The following SYT12 variants were observed in gnomAD, a reference collection of about 807,000 sequenced individuals.
SYT12 encodes synaptotagmin-12.
SYT12 carries 27 observed loss-of-function variants against 39.5 expected under a neutral mutation model. That is an observed-to-expected ratio of 0.68 (90% CI 0.50 to 0.94). The LOEUF (loss-of-function observed/expected upper bound fraction) is 0.94, where lower values mean the gene tolerates loss of function less well. Ranked by LOEUF, SYT12 falls within the 40% of genes least tolerant of loss-of-function variation. The probability of loss-of-function intolerance (pLI) is 0.00; values close to 1 mark genes in which losing one functional copy is unlikely to be tolerated. For synonymous variants in SYT12, 233 were observed against 239.7 expected (o/e 0.97, Z 0.26); for missense variants, 536 against 572.6 (o/e 0.94, Z 0.65).
chr11:67,049,046 T>G lies in SYT12; in HGVS notation c.*289T>G. Reference sequence around the variant, plus strand: ...GGCCAGCTGCCGAGCTGGGCTATGTTCTGGAACCCAGTGAATCTTGGGGGC... The same window carrying G: ...GGCCAGCTGCCGAGCTGGGCTATGTGCTGGAACCCAGTGAATCTTGGGGGC... On this transcript the variant is annotated 3_prime_UTR_variant, in exon 8 of 8. Coordinates refer to ENST00000527043, the MANE Select transcript of SYT12 (RefSeq NM_177963.4). 1 of 329,932 alleles carries G rather than the reference T, an allele frequency of 3.0e-6. No homozygotes were observed. Among genetic ancestry groups the G allele is most frequent in the Non-Finnish European group, 5.7e-6 (1 of 175,916 alleles). The allele number at this position is 329,932 out of a possible 1,614,324, so 20.4% of individuals were successfully genotyped here.
chr11:67,048,763 A>T lies in SYT12; in HGVS notation c.*6A>T. 9 of 1,588,754 alleles carry T rather than the reference A, an allele frequency of 5.7e-6. No homozygotes were observed. Among genetic ancestry groups the T allele is most frequent in the Non-Finnish European group, 6.9e-6 (8 of 1,160,906 alleles). On this transcript the variant is annotated 3_prime_UTR_variant, in exon 8 of 8. Transcript: ENST00000527043. ...ACGCTGTCCGGCGAAACTAGCAACC[A>T]GGGCGGGCCAGTTGGGCAATGGAGC... is the stretch of plus-strand genomic sequence containing the variant.
intron 6 of SYT12, chr11:67,045,524 T>G (rs1372772891): frequency 1.6e-6 from 1 of 624,878 alleles, no homozygotes; most frequent in Non-Finnish European, 2.7e-6. Context: ...GTGAGGCAGC[T>G]GCCTGAGCAC....
chr11:67,024,640 T>A (rs1950157148), intron 1 of SYT12, among the ~76,000 whole-genome samples: 1 of 152,154 alleles, frequency 6.6e-6, no homozygotes, highest in African/African-American at 2.4e-5. Context: ...ACACAGTAGG[T>A]GCCCAATAAA....
intron 4 of SYT12, among the ~76,000 whole-genome samples, chr11:67,041,465 C>A (rs12284264): frequency 6.6e-6 from 1 of 151,838 alleles, no homozygotes; most frequent in East Asian, 1.9e-4. Flanking sequence ...AGTGAGACTC[C>A]GTCTCAAAAA....
At chr11:67,046,187 G>A (rs1854545281) in intron 7 of SYT12, among the ~76,000 whole-genome samples, 1 of 152,152 alleles carries the variant, frequency 6.6e-6, no homozygotes. Flanking sequence ...CTGGTGGAGG[G>A]AACTGCAGAG....
intron 4 of SYT12, 127 bp from the exon 5 acceptor site, chr11:67,043,511 G>A: frequency 1.2e-6 from 1 of 838,980 alleles, no homozygotes; most frequent in Admixed American, 2.3e-5. Flanking sequence ...AGGAAAGATT[G>A]GCATTGAGGG....
intron 1 of SYT12, among the ~76,000 whole-genome samples, chr11:67,026,000 C>T (rs1476501410): frequency 6.6e-6 from 1 of 151,924 alleles, no homozygotes; most frequent in Admixed American, 6.6e-5. Context: ...CTTTGCTGGG[C>T]GTGGTGAGAT....
Position 67,048,564 on chromosome 11 carries a change from C to T in SYT12, c.1093-20C>T, listed in dbSNP as rs772316922. On this transcript the variant is annotated intron_variant, in intron 7 of 7. Transcript: ENST00000527043. ...TCTGACTGCCCCTGGTCCTCAGCAC[C>T]CATGTTGCCTCTTCCTCAGGACCTG... is the stretch of plus-strand genomic sequence containing the variant. 1 of 1,586,922 alleles carries T rather than the reference C, an allele frequency of 6.3e-7. No homozygotes were observed. Among genetic ancestry groups the T allele is most frequent in the African/African-American group, 1.3e-5 (1 of 74,596 alleles).
intron 4 of SYT12, among the ~76,000 whole-genome samples, chr11:67,041,874 G>A (rs1263428624): frequency 6.6e-6 from 1 of 152,228 alleles, no homozygotes; most frequent in Admixed American, 6.5e-5. Context: ...AGCAGAGGGG[G>A]GAAGGGTGGA....
At position 67,035,704 on chromosome 11, in the gene SYT12, G is replaced by T. The variant is rs181136345; in HGVS notation, c.228+866G>T. Among the ~76,000 whole-genome samples, 301 of 151,674 alleles carry T rather than the reference G, an allele frequency of 2.0e-3. 2 individuals carry two copies. The highest frequency in any genetic ancestry group is 6.9e-3 in the African/African-American group (284 of 41,394). Reference sequence around the variant, plus strand: ...GATCTCCTGACCTCGTGATCCGCCCGCCTTGGCCTCCCAAAGTACTGGGAT... The same window carrying T: ...GATCTCCTGACCTCGTGATCCGCCCTCCTTGGCCTCCCAAAGTACTGGGAT... On this transcript the variant is annotated intron_variant, in intron 3 of 7. Transcript: ENST00000527043.
intron 2 of SYT12, chr11:67,032,823 T>G (rs1746934836): frequency 1.3e-5 from 2 of 149,664 alleles, no homozygotes; most frequent in African/African-American, 5.0e-5. Context: ...GAGAATCGCT[T>G]GAACCGGGGA....
chr11:67,034,611 G>A, intron 2 of SYT12, 34 bp from the exon 3 acceptor site: 1 of 1,555,510 alleles, frequency 6.4e-7, no homozygotes, highest in Non-Finnish European at 8.6e-7. Flanking sequence ...TATCCACTAG[G>A]AAGCCCTAAT....
At chr11:67,007,607 C>T (rs922308540) in intron 1 of SYT12, among the ~76,000 whole-genome samples, 30 of 152,100 alleles carry the variant, frequency 2.0e-4, no homozygotes, top group Admixed American at 1.8e-3. Flanking sequence ...TGTTGTTGCC[C>T]GGGCTGGAGT....
chr11:67,030,104 C>T lies in SYT12; in HGVS notation c.-23-18C>T. The T allele has an allele frequency of 6.2e-7, 1 of 1,612,724 alleles. No homozygotes were observed. Among genetic ancestry groups the T allele is most frequent in the Non-Finnish European group, 8.5e-7 (1 of 1,179,560 alleles). On this transcript the variant is annotated intron_variant, in intron 1 of 7. Coordinates refer to ENST00000527043, the MANE Select transcript of SYT12 (RefSeq NM_177963.4). ...GACTCTCTGCAGCCCTCTCCTCTCA[C>T]TCTCTTTTCCCTTCCAGTCACAGTC...
intron 4 of SYT12, among the ~76,000 whole-genome samples, 173 bp downstream of exon 4, chr11:67,040,376 G>C (rs890258353): frequency 2.0e-5 from 3 of 152,170 alleles, no homozygotes; most frequent in African/African-American, 7.2e-5. Context: ...ACAGAGCTGG[G>C]AGGTGGGGGG....
chr11:67,030,100 C>G (rs1290499947), intron 1 of SYT12, 22 bp from the exon 2 acceptor site: 29 of 1,611,960 alleles, frequency 1.8e-5, no homozygotes, highest in Non-Finnish European at 2.5e-5. Flanking sequence ...GCCCTCTCCT[C>G]TCACTCTCTT....
intron 3 of SYT12, among the ~76,000 whole-genome samples, chr11:67,037,865 GA>G (rs1249989980): frequency 1.4e-5 from 2 of 147,470 alleles, no homozygotes; most frequent in Non-Finnish European, 3.0e-5. Context: ...CTGGGCGACA[GA>G]GCGAGGCTCC....
At chr11:67,026,167 G>A (rs1364918895) in intron 1 of SYT12, among the ~76,000 whole-genome samples, 1 of 152,198 alleles carries the variant, frequency 6.6e-6, no homozygotes, top group African/African-American at 2.4e-5. Context: ...TGAATGGAAG[G>A]ATGGGAGCAG....
intron 2 of SYT12, 100 bp downstream of exon 2, chr11:67,030,278 C>A: frequency 7.4e-7 from 1 of 1,345,540 alleles, no homozygotes; most frequent in Non-Finnish European, 1.0e-6. Flanking sequence ...TTAGTCCTTG[C>A]CATTAATGTC....
Sources: allele counts gnomAD v4.1 joint callset (sites outside exome capture counted in the v4.1 genomes callset), GRCh38; gene constraint gnomAD v4.1.1; transcripts MANE v1.5; gene names NCBI Gene and HGNC (gene_info 2026-07-23, HGNC 2026-07-21).